Variants in SMOC1 observed in about 807,000 individuals in gnomAD.
The protein encoded by SMOC1 is SPARC related modular calcium binding 1.
Under a neutral mutation model 56.3 loss-of-function variants are expected in SMOC1, and 22 were observed. That is an observed-to-expected ratio of 0.39 (90% CI 0.28 to 0.56). SMOC1 has a LOEUF of 0.56. Ranked by LOEUF, SMOC1 falls within the 20% of genes least tolerant of loss-of-function variation. The pLI is 0.61. For missense variants in SMOC1, 509 were observed against 565.4 expected (o/e 0.90, Z 1.01); for synonymous variants, 193 against 215.0 (o/e 0.90, Z 0.89).
chr14:69,922,717 G>A (rs866972968), intron 1 of SMOC1, among the ~76,000 whole-genome samples: 2 of 152,074 alleles, frequency 1.3e-5, no homozygotes, highest in Non-Finnish European at 2.9e-5. Flanking sequence ...CATTGTATCA[G>A]CTTATGGGGA....
At chr14:69,954,286 C>T (rs1420052418) in intron 3 of SMOC1, among the ~76,000 whole-genome samples, 1 of 152,100 alleles carries the variant, frequency 6.6e-6, no homozygotes, top group Non-Finnish European at 1.5e-5. Context: ...TCAAGCAATC[C>T]TTCCACCCAC....
At chr14:69,991,728 C>G (rs757743368) in intron 5 of SMOC1, among the ~76,000 whole-genome samples, 1 of 152,134 alleles carries the variant, frequency 6.6e-6, no homozygotes, top group Non-Finnish European at 1.5e-5. Flanking sequence ...CTGCAAAGTC[C>G]CATGTCCTCT....
At chr14:69,984,595 C>G (rs1884295994) in intron 5 of SMOC1, among the ~76,000 whole-genome samples, 1 of 151,914 alleles carries the variant, frequency 6.6e-6, no homozygotes, top group African/African-American at 2.4e-5. Flanking sequence ...GTAATCCCAT[C>G]ACTTCGGGAG....
rs1435251804 is a variant in SMOC1 at position 70,030,499 on chromosome 14, T to C, written c.*241T>C. 3 of 469,230 alleles carry C rather than the reference T, an allele frequency of 6.4e-6. No homozygotes were observed. The highest frequency in any genetic ancestry group is 3.8e-5 in the Admixed American group (1 of 26,596). 29.1% of individuals were successfully genotyped at this position (469,230 alleles called of 1,614,324 possible). ...AAGAAAGACTTTATTCTCTCTCTTA[T>C]TGTAAGTTTTTGGATCTGCTACTGA... On this transcript the variant is annotated 3_prime_UTR_variant, in exon 12 of 12. Coordinates refer to ENST00000361956, the MANE Select transcript of SMOC1 (RefSeq NM_001034852.3).
intron 1 of SMOC1, among the ~76,000 whole-genome samples, chr14:69,898,349 A>G (rs1198487257): frequency 1.3e-5 from 2 of 152,174 alleles, no homozygotes; most frequent in South Asian, 4.1e-4. Flanking sequence ...GGAAATTCTC[A>G]GTCACTATTG....
At position 69,879,686 on chromosome 14, in the gene SMOC1, C is replaced by T. The variant is rs1883577983; in HGVS notation, c.8C>T (p.Pro3Leu). ...CCCAGCCTGGCTGGCACCATGCTGC[C>T]CGCGCGCTGCGCCCGCCTGCTCACG... ML[P>L]ARCARLLTPH... The change falls in exon 1 of 12, where the codon CCC becomes CTC. Residue 3 changes from proline (P) to leucine (L), a missense_variant. Physicochemically the swap from Pro to Leu is moderately conservative, Grantham distance 98. This residue lies in a region of SMOC1 where 315 missense variants were observed against 333.1 expected (regional missense o/e 0.95). Transcript: ENST00000361956. 3 of 1,564,702 alleles carry T rather than the reference C, an allele frequency of 1.9e-6. No individual in the cohort carries two copies. Among genetic ancestry groups the T allele is most frequent in the African/African-American group, 1.4e-5 (1 of 73,108 alleles).
intron 1 of SMOC1, among the ~76,000 whole-genome samples, chr14:69,900,745 A>G (rs546063206): frequency 1.3e-5 from 2 of 152,308 alleles, no homozygotes; most frequent in East Asian, 1.9e-4. Context: ...CTGTTGTGTT[A>G]ATTATGAGAA....
chr14:69,881,281 A>G (rs923583196), intron 1 of SMOC1, among the ~76,000 whole-genome samples: 4 of 152,160 alleles, frequency 2.6e-5, no homozygotes, highest in East Asian at 1.9e-4. Flanking sequence ...AATAATTAGG[A>G]ACAGTCAAGA....
At chr14:69,945,140 T>C (rs959732052) in intron 1 of SMOC1, among the ~76,000 whole-genome samples, 1 of 152,224 alleles carries the variant, frequency 6.6e-6, no homozygotes, top group Non-Finnish European at 1.5e-5. Context: ...CTCAAACATA[T>C]ACTGAACAAA....
chr14:69,990,900 C>T (rs1884543356), intron 5 of SMOC1, among the ~76,000 whole-genome samples: 1 of 152,196 alleles, frequency 6.6e-6, no homozygotes, highest in South Asian at 2.1e-4. Flanking sequence ...ACCCGACTGT[C>T]AGCTCAGCTG....
intron 1 of SMOC1, among the ~76,000 whole-genome samples, chr14:69,930,023 C>T (rs921325948): frequency 4.6e-5 from 7 of 152,190 alleles, no homozygotes; most frequent in South Asian, 2.1e-4. Flanking sequence ...GAGGCAGAGA[C>T]GTGGCTGGGG....
At chr14:69,961,470 T>A (rs976909899) in intron 3 of SMOC1, among the ~76,000 whole-genome samples, 1 of 151,844 alleles carries the variant, frequency 6.6e-6, no homozygotes, top group Non-Finnish European at 1.5e-5. Flanking sequence ...AACCTCCACC[T>A]CCTGGTCTCA....
chr14:69,953,325 C>G (rs777212299), intron 2 of SMOC1, 95 bp from the exon 3 acceptor site: 2 of 1,141,386 alleles, frequency 1.8e-6, no homozygotes, highest in Non-Finnish European at 2.7e-6. Context: ...TGTGTGGGCT[C>G]CCGCACAGGT....
chr14:69,962,174 A>G (rs930021426), intron 3 of SMOC1, among the ~76,000 whole-genome samples: 45 of 147,664 alleles, frequency 3.0e-4, no homozygotes, highest in African/African-American at 1.0e-3. Flanking sequence ...TTTTTTTTTT[A>G]TTTGAGATGG....
intron 7 of SMOC1, among the ~76,000 whole-genome samples, chr14:70,009,774 G>T (rs1365926121): frequency 6.6e-6 from 1 of 152,142 alleles, no homozygotes; most frequent in African/African-American, 2.4e-5. Context: ...ATCTAGGGAA[G>T]GTACAGTGTT....
intron 1 of SMOC1, among the ~76,000 whole-genome samples, chr14:69,921,994 C>A (rs1884859080): frequency 6.6e-6 from 1 of 152,246 alleles, no homozygotes; most frequent in Non-Finnish European, 1.5e-5. Flanking sequence ...TGCCCAACCT[C>A]CTCCCTTTCC....
intron 7 of SMOC1, among the ~76,000 whole-genome samples, chr14:70,004,944 A>G (rs1203667813): frequency 6.6e-6 from 1 of 152,094 alleles, no homozygotes; most frequent in Non-Finnish European, 1.5e-5. Flanking sequence ...TGAGGTTCCC[A>G]TGTTCTTTCT....
intron 3 of SMOC1, among the ~76,000 whole-genome samples, chr14:69,972,131 G>A (rs192277376): frequency 3.9e-5 from 6 of 152,276 alleles, no homozygotes; most frequent in Admixed American, 6.5e-5. Context: ...CAGACAGACC[G>A]AGGCTTAGTG....
At chr14:69,935,897 T>G (rs893205909) in intron 1 of SMOC1, among the ~76,000 whole-genome samples, 13 of 152,152 alleles carry the variant, frequency 8.5e-5, no homozygotes, top group Admixed American at 5.9e-4. Flanking sequence ...TTAGTAAATT[T>G]TATGGAATGA....
Sources: gnomAD v4.1 joint callset for allele counts (sites outside exome capture counted in the v4.1 genomes callset) on GRCh38, gnomAD v4.1.1 for gene constraint, gnomAD v4.1.1 regional missense constraint, MANE v1.5 for transcripts, NCBI Gene and HGNC (gene_info 2026-07-23, HGNC 2026-07-21) for gene names.